TFDP2: variants seen among roughly 807,000 people sequenced by gnomAD.
The protein encoded by TFDP2 is transcription factor Dp-2 (E2F dimerization partner 2).
TFDP2 carries 17 observed loss-of-function variants against 59.3 expected under a neutral mutation model. The ratio of observed to expected loss-of-function variants is 0.29; its 90% CI spans 0.20 to 0.43. The LOEUF is 0.43. Ranked by LOEUF, TFDP2 falls within the 20% of genes least tolerant of loss-of-function variation. TFDP2 has a pLI of 1.00. For synonymous variants in TFDP2, 180 were observed against 194.7 expected (o/e 0.92, Z 0.63); for missense variants, 391 against 528.8 (o/e 0.74, Z 2.56).
At chr3:142,145,097 A>G (rs1161605311) in intron 1 of TFDP2, among the ~76,000 whole-genome samples, 1 of 152,240 alleles carries the variant, frequency 6.6e-6, no homozygotes, top group Admixed American at 6.5e-5. Context: ...AAGTAAAACA[A>G]GCATTGATAT....
chr3:142,117,578 C>A (rs1250896401), intron 1 of TFDP2, among the ~76,000 whole-genome samples: 4 of 152,052 alleles, frequency 2.6e-5, no homozygotes, highest in African/African-American at 2.4e-5. Context: ...AAACCAGCCC[C>A]AGAAAGAGAG....
chr3:142,000,095 G>C (rs1371925461), intron 4 of TFDP2, among the ~76,000 whole-genome samples: 1 of 152,218 alleles, frequency 6.6e-6, no homozygotes, highest in Non-Finnish European at 1.5e-5. Context: ...GAGGGAGTTA[G>C]AGGAGAAGCG....
chr3:141,995,656 G>A (rs779618776), intron 4 of TFDP2, among the ~76,000 whole-genome samples: 22 of 152,040 alleles, frequency 1.4e-4, no homozygotes, highest in Non-Finnish European at 2.9e-4. Context: ...GGCCGAGGTG[G>A]GAGGATCACC....
At chr3:142,074,737 G>T (rs553687915) in intron 3 of TFDP2, among the ~76,000 whole-genome samples, 11 of 151,288 alleles carry the variant, frequency 7.3e-5, no homozygotes, top group African/African-American at 2.7e-4. Flanking sequence ...CTGCAATCCC[G>T]GCTACTCGGG....
chr3:141,996,748 C>T (rs1314096248), intron 4 of TFDP2, among the ~76,000 whole-genome samples: 3 of 152,094 alleles, frequency 2.0e-5, no homozygotes, highest in Admixed American at 2.0e-4. Context: ...ATTCATTTAC[C>T]AAGTATTTAA....
In TFDP2 at chr3:141,950,038, C is replaced by T. The variant is rs1935765702; in HGVS notation, c.*2475G>A. The T allele has an allele frequency of 6.6e-6, 1 of 152,062 alleles. No individual in the cohort carries two copies. Among genetic ancestry groups the T allele is most frequent in the African/African-American group, 2.4e-5 (1 of 41,338 alleles). 9.4% of individuals were successfully genotyped at this position (152,062 alleles called of 1,614,324 possible). The stretch of plus-strand genomic sequence containing the variant: ...CCCAGGCTGGTCTTGAACTCCTGAG[C>T]TCAAGCAATGTGCCCGCCTCGGCCT... On this transcript the variant is annotated 3_prime_UTR_variant, in exon 13 of 13. Coordinates refer to ENST00000489671, the MANE Select transcript of TFDP2 (RefSeq NM_001178139.2).
rs1295389806 is a variant in TFDP2 at position 141,968,805 on chromosome 3, C to CAT, written c.732+1266_732+1267dup. ...AGATATATATAACACATATATATCT[C>CAT]ATATATAGATATATATAACACATAT... On this transcript the variant is annotated intron_variant, in intron 9 of 12. Transcript: ENST00000489671. Among the ~76,000 whole-genome samples, 15 of 74,834 alleles carry CAT rather than the reference C, an allele frequency of 2.0e-4. 1 individual carries two copies. The highest frequency in any genetic ancestry group is 2.9e-4 in the Non-Finnish European group (12 of 41,138). 49.1% of individuals were successfully genotyped at this position (74,834 alleles called of 152,430 possible).
At chr3:142,007,550 C>A (rs898415427) in intron 3 of TFDP2, among the ~76,000 whole-genome samples, 1 of 152,130 alleles carries the variant, frequency 6.6e-6, no homozygotes, top group Non-Finnish European at 1.5e-5. Context: ...TATGGTTTTG[C>A]AATGATTCCA....
intron 6 of TFDP2, among the ~76,000 whole-genome samples, chr3:141,991,109 A>G (rs1942715580): frequency 6.6e-6 from 1 of 152,186 alleles, no homozygotes; most frequent in South Asian, 2.1e-4. Flanking sequence ...TTTGAAAAGC[A>G]TGTTACATTT....
chr3:141,993,490 C>T (rs750542030), intron 6 of TFDP2, 48 bp downstream of exon 6: 110 of 1,292,670 alleles, frequency 8.5e-5, no homozygotes, highest in Admixed American at 1.6e-4. Flanking sequence ...CCAACAGCCT[C>T]TCTATATAGC....
At position 142,006,184 on chromosome 3, in the gene TFDP2, T is replaced by C. The variant is rs1245894677; in HGVS notation, c.83-640A>G. ...ACATAGCAAACTGCTACCAAGAAAA[T>C]TCCCCCCAAAAGGAAAAGCCAACCT... On this transcript the variant is annotated intron_variant, in intron 3 of 12. Coordinates refer to ENST00000489671, the MANE Select transcript of TFDP2 (RefSeq NM_001178139.2). Among the ~76,000 whole-genome samples the C allele has an allele frequency of 3.9e-5, 6 of 152,060 alleles. No homozygotes were observed. In the East Asian group the frequency reaches 1.2e-3, roughly 29 times the overall value.
chr3:142,093,014 C>T (rs866233048), intron 3 of TFDP2, 47 bp downstream of exon 3: 2 of 1,278,870 alleles, frequency 1.6e-6, no homozygotes, highest in Middle Eastern at 2.0e-4. Flanking sequence ...AAAACAAATG[C>T]AATAAAACTA....
intron 3 of TFDP2, among the ~76,000 whole-genome samples, chr3:142,041,146 T>C (rs1946948985): frequency 6.6e-6 from 1 of 152,222 alleles, no homozygotes; most frequent in Non-Finnish European, 1.5e-5. Flanking sequence ...TTGCAACTGA[T>C]GTCATAAGTG....
At chr3:142,144,232 G>A (rs1263759660) in intron 1 of TFDP2, among the ~76,000 whole-genome samples, 1 of 152,116 alleles carries the variant, frequency 6.6e-6, no homozygotes, top group Non-Finnish European at 1.5e-5. Flanking sequence ...AAATTAGCCA[G>A]GTGTGGTGGC....
At chr3:142,103,146 G>A (rs1384750605) in intron 1 of TFDP2, among the ~76,000 whole-genome samples, 31 of 152,104 alleles carry the variant, frequency 2.0e-4, no homozygotes, top group Admixed American at 1.8e-3. Flanking sequence ...GTTGAGGCAG[G>A]AGAATTGCTT....
chr3:141,988,175 G>C lies in TFDP2; in HGVS notation c.356+5363C>G, dbSNP rs1197558643. 2.6e-5 allele frequency among the ~76,000 whole-genome samples: 4 copies of C among 152,054 alleles called. 1 individual carries two copies. The highest frequency in any genetic ancestry group is 9.7e-5 in the African/African-American group (4 of 41,394). ...TGCTCAGGCTAGTCTCGAATTCTTGGGCGCAAGAGAATCGCCTGGGTTGGC... is the reference window on the plus strand; with the variant it reads ...TGCTCAGGCTAGTCTCGAATTCTTGCGCGCAAGAGAATCGCCTGGGTTGGC... On this transcript the variant is annotated intron_variant, in intron 6 of 12. Coordinates refer to ENST00000489671, the MANE Select transcript of TFDP2 (RefSeq NM_001178139.2).
intron 8 of TFDP2, among the ~76,000 whole-genome samples, chr3:141,970,738 A>C: frequency 6.6e-6 from 1 of 152,178 alleles, no homozygotes; most frequent in East Asian, 1.9e-4. Flanking sequence ...TGACTCTCCA[A>C]TGAGGACAGC....
intron 10 of TFDP2, among the ~76,000 whole-genome samples, chr3:141,961,642 TACTG>T (rs1160786819): frequency 6.6e-6 from 1 of 152,318 alleles, no homozygotes; most frequent in East Asian, 1.9e-4. Context: ...ATCTACCACT[TACTG>T]ACCACTGGGC....
At chr3:142,064,401 C>A (rs2060010238) in intron 3 of TFDP2, among the ~76,000 whole-genome samples, 1 of 152,130 alleles carries the variant, frequency 6.6e-6, no homozygotes, top group Non-Finnish European at 1.5e-5. Flanking sequence ...GACTCTCATG[C>A]TTGATAAAAT....
Sources: gnomAD v4.1 joint callset for allele counts (sites outside exome capture counted in the v4.1 genomes callset) on GRCh38, gnomAD v4.1.1 for gene constraint, MANE v1.5 for transcripts, NCBI Gene and HGNC (gene_info 2026-07-23, HGNC 2026-07-21) for gene names.